MYO6: variants seen among roughly 807,000 people sequenced by gnomAD.
The protein encoded by MYO6 is myosin VI.
MYO6 carries 74 observed loss-of-function variants against 178.7 expected under a neutral mutation model. The observed-to-expected ratio is 0.41, with a 90% CI of 0.34 to 0.50. The LOEUF (loss-of-function observed/expected upper bound fraction) is 0.50, where lower values mean the gene tolerates loss of function less well. MYO6 is among the 20% of genes least tolerant of loss of function. MYO6 has a pLI of 0.09. For missense variants in MYO6, 1,330 were observed against 1,547.4 expected, an observed-to-expected ratio of 0.86 and a Z score of 2.36; for synonymous variants, 477 against 504.6, an observed-to-expected ratio of 0.95 and a Z score of 0.73.
rs1776286157 is a variant in MYO6, at chr6:75,862,481, C to T, written c.1547-115C>T. On this transcript the variant is annotated intron_variant, in intron 15 of 34. Transcript: ENST00000369977. Reference sequence around the variant, plus strand: ...ACTTTTGAGAGAACACATATAGAATCACATGCTATGTTGTTTCTGATCAGT... The same window carrying T: ...ACTTTTGAGAGAACACATATAGAATTACATGCTATGTTGTTTCTGATCAGT... 4 of 928,628 alleles carry T rather than the reference C, an allele frequency of 4.3e-6. No individual in the cohort carries two copies. The Admixed American group carries it at 8.0e-5, about 19-fold the overall frequency. 57.5% of individuals were successfully genotyped at this position (928,628 alleles called of 1,614,324 possible). A position where few individuals can be genotyped will look rare whatever the true frequency, so the allele number is the denominator to read the frequency against.
chr6:75,913,467 G>GT (rs973489237), intron 33 of MYO6, among the ~76,000 whole-genome samples: 21 of 151,738 alleles, frequency 1.4e-4, no homozygotes, highest in Middle Eastern at 3.4e-3. Flanking sequence ...CTGTTATAAG[G>GT]TTTTTTTTGT....
intron 10 of MYO6, 90 bp from the exon 11 acceptor site, chr6:75,848,261 T>C (rs1473214009): frequency 8.5e-7 from 1 of 1,176,446 alleles, no homozygotes; most frequent in Non-Finnish European, 1.3e-6. Flanking sequence ...TTTTTGCATG[T>C]TATATAGTGC....
At chr6:75,793,559 G>GT (rs1337453621) in intron 1 of MYO6, among the ~76,000 whole-genome samples, 1 of 151,620 alleles carries the variant, frequency 6.6e-6, no homozygotes, top group Non-Finnish European at 1.5e-5. Context: ...AGCCAAGATC[G>GT]TACCACTACC....
intron 29 of MYO6, 127 bp from the exon 30 acceptor site, chr6:75,898,246 A>T: frequency 1.6e-6 from 1 of 628,256 alleles, no homozygotes; most frequent in Non-Finnish European, 2.6e-6. Flanking sequence ...TTAACAAAGT[A>T]AAACAGTTAT....
chr6:75,864,530 G>C (rs1287911124), intron 16 of MYO6, among the ~76,000 whole-genome samples: 1 of 152,108 alleles, frequency 6.6e-6, no homozygotes, highest in Non-Finnish European at 1.5e-5. Context: ...TTCCTTAATA[G>C]CTCGCTGGTC....
At chr6:75,837,331 C>T (rs747735708) in intron 7 of MYO6, among the ~76,000 whole-genome samples, 3 of 152,104 alleles carry the variant, frequency 2.0e-5, no homozygotes, top group East Asian at 1.9e-4. Flanking sequence ...TTGTGAAATT[C>T]GGATATAAAG....
rs76093372 is a variant in MYO6, at chr6:75,774,103, C to A, written c.-48+24680C>A. Among the ~76,000 whole-genome samples, 57 of 152,230 alleles carry A rather than the reference C, an allele frequency of 3.7e-4. 1 individual carries two copies. In the East Asian group the frequency reaches 0.01, roughly 28 times the overall value. On this transcript the variant is annotated intron_variant, in intron 1 of 34. Coordinates refer to ENST00000369977, the MANE Select transcript of MYO6 (RefSeq NM_004999.4). ...ATACTACTGTAACACCTTGCTATAG[C>A]CCCACTTAATAATTGCTTGATGAAT...
chr6:75,820,579 C>A (rs1372697811), intron 2 of MYO6, among the ~76,000 whole-genome samples: 1 of 152,046 alleles, frequency 6.6e-6, no homozygotes, highest in Non-Finnish European at 1.5e-5. Context: ...TCATGTTGGC[C>A]AGGTTTTTCT....
intron 1 of MYO6, among the ~76,000 whole-genome samples, chr6:75,769,241 T>G (rs1195927542): frequency 6.6e-6 from 1 of 152,178 alleles, no homozygotes; most frequent in Non-Finnish European, 1.5e-5. Flanking sequence ...TCTTTTCACA[T>G]CGTAAAATAC....
intron 1 of MYO6, among the ~76,000 whole-genome samples, chr6:75,806,353 A>C (rs1583142900): frequency 6.6e-6 from 1 of 151,278 alleles, no homozygotes; most frequent in Non-Finnish European, 1.5e-5. Context: ...ATGCCACTGC[A>C]CTCCAGCCTG....
chr6:75,904,506 C>G (rs1780104912), intron 30 of MYO6, among the ~76,000 whole-genome samples: 1 of 152,102 alleles, frequency 6.6e-6, no homozygotes, highest in African/African-American at 2.4e-5. Context: ...ACCCTTTCTT[C>G]CAGTTGATCG....
intron 1 of MYO6, among the ~76,000 whole-genome samples, chr6:75,774,801 A>T (rs906012620): frequency 1.4e-5 from 2 of 146,532 alleles, no homozygotes; most frequent in Non-Finnish European, 3.0e-5. Context: ...TATTATTACT[A>T]TTTTTTTTTT....
chr6:75,837,584 T>A (rs1345328563), intron 7 of MYO6, among the ~76,000 whole-genome samples: 1 of 152,218 alleles, frequency 6.6e-6, no homozygotes, highest in Non-Finnish European at 1.5e-5. Context: ...GCCTTGTATG[T>A]TCATGCATTT....
At chr6:75,789,973 G>T (rs1458788099) in intron 1 of MYO6, among the ~76,000 whole-genome samples, 1 of 152,148 alleles carries the variant, frequency 6.6e-6, no homozygotes, top group Admixed American at 6.5e-5. Context: ...CCGTGTATGA[G>T]TGAGTTCTTA....
rs1487272285 is a variant in MYO6 at position 75,892,841 on chromosome 6, C to T, written c.3107+151C>T. On this transcript the variant is annotated intron_variant, in intron 28 of 34. Transcript: ENST00000369977. ...AAAATAATTTTAAAATTATTTGTAT[C>T]GACTTTCATACTCAAGTGAATGAGA... 20 of 796,228 alleles carry T rather than the reference C, an allele frequency of 2.5e-5. No individual in the cohort carries two copies. The East Asian group carries it at 2.7e-4, about 11-fold the overall frequency. The allele number at this position is 796,228 out of a possible 1,614,324, so 49.3% of individuals were successfully genotyped here. A position where few individuals can be genotyped will look rare whatever the true frequency, so the allele number is the denominator to read the frequency against.
At chr6:75,821,957 A>T (rs1771917093) in intron 2 of MYO6, among the ~76,000 whole-genome samples, 1 of 152,032 alleles carries the variant, frequency 6.6e-6, no homozygotes, top group South Asian at 2.1e-4. Flanking sequence ...ATTTTTTGGT[A>T]TTTTTTATAT....
At chr6:75,755,146 T>G (rs544480195) in intron 1 of MYO6, among the ~76,000 whole-genome samples, 4 of 152,110 alleles carry the variant, frequency 2.6e-5, no homozygotes, top group Non-Finnish European at 5.9e-5. Context: ...GGTTGGAGGA[T>G]CTCCTGAGCC....
chr6:75,750,866 C>A (rs1776831742), intron 1 of MYO6, among the ~76,000 whole-genome samples: 2 of 152,104 alleles, frequency 1.3e-5, no homozygotes, highest in Non-Finnish European at 2.9e-5. Context: ...AGGCTTGAGC[C>A]CCCGCGCCTG....
rs1562290993 is a variant in MYO6 at position 75,890,168 on chromosome 6, G to A, written c.2770G>A (p.Glu924Lys). Residue 924 changes from glutamate (E) to lysine (K), a missense_variant, in exon 26 of 35, where the codon GAA becomes AAA. Transcript: ENST00000369977. ...QKKKQQEEEA[E>K]RLRRIQEEME... Reference sequence around the variant, plus strand: ...AAAAAAACAGCAGGAAGAGGAAGCAGAAAGGCTGAGGCGTATTCAAGAAGA... The same window carrying A: ...AAAAAAACAGCAGGAAGAGGAAGCAAAAAGGCTGAGGCGTATTCAAGAAGA... The A allele has an allele frequency of 6.2e-7, 1 of 1,613,264 alleles. No homozygotes were observed. Among genetic ancestry groups the A allele is most frequent in the East Asian group, 2.2e-5 (1 of 44,868 alleles).
Sources: allele counts gnomAD v4.1 joint callset (sites outside exome capture counted in the v4.1 genomes callset), GRCh38; gene constraint gnomAD v4.1.1; transcripts MANE v1.5; gene names NCBI Gene and HGNC (gene_info 2026-07-23, HGNC 2026-07-21).